SYT14: variants seen among roughly 807,000 people sequenced by gnomAD.
SYT14 encodes the protein synaptotagmin-14.
A neutral mutation model predicts 74.2 loss-of-function variants in SYT14; 32 were observed. The ratio of observed to expected loss-of-function variants is 0.43; its 90% CI spans 0.33 to 0.58. The LOEUF is 0.58. Ranked by LOEUF, SYT14 falls within the 20% of genes least tolerant of loss-of-function variation. The pLI, the probability that SYT14 is intolerant of heterozygous loss-of-function variation, is 0.05. For synonymous variants in SYT14, 298 were observed against 337.7 expected (o/e 0.88, Z 1.29); for missense variants, 791 against 981.8 (o/e 0.81, Z 2.60).
exon 4 of SYT14, chr1:210,016,408 T>C (rs2080183796): frequency 8.1e-7 from 1 of 1,232,036 alleles, no homozygotes; most frequent in Non-Finnish European, 1.0e-6. Context: ...ATCAAGACAC[T>C]GGTAATACTG....
rs149558156 is a variant in SYT14 at position 210,075,087 on chromosome 1, G to T, written c.1313-19235G>T. On this transcript the variant is annotated intron_variant, in intron 5 of 9. Coordinates refer to ENST00000637265, the Ensembl canonical transcript of SYT14. ...CCAGAAGGGAGATGGTTTTCCCCTG[G>T]AGTCCGACCGCTCAGCGGCCCGGGC... Among the ~76,000 whole-genome samples the T allele has an allele frequency of 3.1e-3, 478 of 152,258 alleles. 6 individuals carry two copies. The highest frequency in any genetic ancestry group is 0.011 in the African/African-American group (462 of 41,540).
chr1:210,028,887 C>CA (rs1393432744), intron 5 of SYT14, among the ~76,000 whole-genome samples: 1 of 152,136 alleles, frequency 6.6e-6, no homozygotes, highest in African/African-American at 2.4e-5. Flanking sequence ...ACATTTCCTC[C>CA]AGTAGTGTAC....
chr1:210,154,336 G>A (rs1201320944), intron 7 of SYT14, among the ~76,000 whole-genome samples: 2 of 152,102 alleles, frequency 1.3e-5, no homozygotes, highest in Non-Finnish European at 2.9e-5. Context: ...GTGGGCTAGC[G>A]AACATTACAG....
chr1:210,170,552 G>A (rs1316809791), exon 10 of SYT14: 2 of 151,998 alleles, frequency 1.3e-5, no homozygotes, highest in Non-Finnish European at 2.9e-5. Flanking sequence ...AATAAATTTT[G>A]TGTGGGTTAA....
chr1:210,068,797 A>T (rs1169650885), intron 5 of SYT14, among the ~76,000 whole-genome samples: 5 of 151,580 alleles, frequency 3.3e-5, no homozygotes, highest in African/African-American at 7.2e-5. Context: ...TTGGTTTTTT[A>T]AAAATTTTAT....
At chr1:209,970,206 T>G (rs1572086725) in intron 2 of SYT14, among the ~76,000 whole-genome samples, 1 of 152,288 alleles carries the variant, frequency 6.6e-6, no homozygotes, top group East Asian at 1.9e-4. Context: ...AGAATTTACA[T>G]TTAAGTCTTT....
intron 7 of SYT14, among the ~76,000 whole-genome samples, chr1:210,110,585 A>G (rs2102577955): frequency 6.6e-6 from 1 of 152,318 alleles, no homozygotes; most frequent in Non-Finnish European, 1.5e-5. Flanking sequence ...GTCCAAAGCA[A>G]AGATTAAAGT....
At chr1:210,112,157 C>A (rs1194662368) in intron 7 of SYT14, among the ~76,000 whole-genome samples, 1 of 151,240 alleles carries the variant, frequency 6.6e-6, no homozygotes, top group African/African-American at 2.5e-5. Context: ...CTCTACCCAT[C>A]CAGTGGAAGT....
At chr1:209,974,615 C>A (rs1029700955) in intron 2 of SYT14, among the ~76,000 whole-genome samples, 1 of 152,004 alleles carries the variant, frequency 6.6e-6, no homozygotes, top group African/African-American at 2.4e-5. Flanking sequence ...GTTACTGTAG[C>A]CTTGTAGTAT....
chr1:209,941,593 A>G (rs868046506), intron 1 of SYT14, among the ~76,000 whole-genome samples: 14 of 152,246 alleles, frequency 9.2e-5, no homozygotes, highest in South Asian at 2.1e-4. Flanking sequence ...TACCTGACCT[A>G]ATGTTCTAGT....
chr1:209,971,486 C>G (rs1368667357), intron 2 of SYT14, among the ~76,000 whole-genome samples: 1 of 152,100 alleles, frequency 6.6e-6, no homozygotes, highest in Non-Finnish European at 1.5e-5. Context: ...ATTGTTCCAG[C>G]TTTTGTCCAG....
chr1:210,138,107 T>C (rs1349416370), intron 7 of SYT14, among the ~76,000 whole-genome samples: 1 of 152,218 alleles, frequency 6.6e-6, no homozygotes. Context: ...TTCTCAACAC[T>C]GCCAATAAAG....
intron 5 of SYT14, among the ~76,000 whole-genome samples, chr1:210,027,017 C>T (rs1049513750): frequency 6.6e-6 from 1 of 152,040 alleles, no homozygotes; most frequent in African/African-American, 2.4e-5. Context: ...CTGATCCCCC[C>T]ATTCAGTCAG....
chr1:209,952,200 AT>A (rs2078922901), intron 1 of SYT14, among the ~76,000 whole-genome samples: 1 of 151,950 alleles, frequency 6.6e-6, no homozygotes, highest in South Asian at 2.1e-4. Flanking sequence ...AATAATCAAA[AT>A]ATTTTTTAAA....
chr1:210,023,777 A>G (rs2080351922), intron 5 of SYT14, among the ~76,000 whole-genome samples: 1 of 152,234 alleles, frequency 6.6e-6, no homozygotes, highest in Non-Finnish European at 1.5e-5. Flanking sequence ...TTCAACAAGC[A>G]TGGAATAGGG....
intron 5 of SYT14, among the ~76,000 whole-genome samples, chr1:210,027,700 C>T (rs1410019835): frequency 6.6e-6 from 1 of 151,952 alleles, no homozygotes; most frequent in Non-Finnish European, 1.5e-5. Flanking sequence ...GAACATCTCT[C>T]CTCTAAGGAA....
Position 209,956,138 on chromosome 1 carries a change from T to C in SYT14, c.-486+3382T>C, listed in dbSNP as rs980685210. Among the ~76,000 whole-genome samples, 11 of 152,300 alleles carry C rather than the reference T, an allele frequency of 7.2e-5. No individual in the cohort carries two copies. In the East Asian group the frequency reaches 9.6e-4, roughly 13 times the overall value. ...ATTTCTCTGTCATTCTTATTTTTCT[T>C]CTGCTACCACCCTTCCCGCTATATT... is the stretch of plus-strand genomic sequence containing the variant. On this transcript the variant is annotated intron_variant, in intron 2 of 9. Transcript: ENST00000637265.
In SYT14 at chr1:210,160,901, C is replaced by T; in HGVS notation, c.2454C>T (p.Arg818=). ...TCATACTGTCTGTGTATAACAAACG[C>T]AGCATGAAAAGAAAAGAGATGATAG... Residue 818 remains arginine, a synonymous_variant, in exon 10 of 10, where the codon CGC becomes CGT. Coordinates refer to ENST00000637265, the Ensembl canonical transcript of SYT14. 3 of 1,613,918 alleles carry T rather than the reference C, an allele frequency of 1.9e-6. 1 individual carries two copies. In the South Asian group the frequency reaches 3.3e-5, roughly 18 times the overall value.
intron 7 of SYT14, among the ~76,000 whole-genome samples, chr1:210,101,986 A>G (rs1241434975): frequency 6.6e-6 from 1 of 152,218 alleles, no homozygotes; most frequent in Non-Finnish European, 1.5e-5. Context: ...ATGGACCTAC[A>G]TTACGTGTGT....
Sources: allele counts gnomAD v4.1 joint callset (sites outside exome capture counted in the v4.1 genomes callset), GRCh38; gene constraint gnomAD v4.1.1; transcripts MANE v1.5; gene names NCBI Gene and HGNC (gene_info 2026-07-23, HGNC 2026-07-21).